Variants in SYNE1 observed in about 807,000 individuals in gnomAD.
SYNE1 encodes the protein spectrin repeat containing nuclear envelope protein 1, also known as nesprin-1.
A neutral mutation model predicts 1,111.0 loss-of-function variants in SYNE1; 616 were observed. The observed-to-expected ratio is 0.55, with a 90% confidence interval of 0.52 to 0.59. The LOEUF (loss-of-function observed/expected upper bound fraction) is 0.59, where lower values mean the gene tolerates loss of function less well. SYNE1 is among the 20% of genes least tolerant of loss of function. The pLI is 0.00. For missense variants in SYNE1, 10,006 were observed against 10,417.0 expected, an observed-to-expected ratio of 0.96 and a Z score of 1.72; for synonymous variants, 3,855 against 3,825.8, an observed-to-expected ratio of 1.01 and a Z score of -0.28.
chr6:152,263,223 A>G (rs2092282394), intron 100 of SYNE1, among the ~76,000 whole-genome samples: 1 of 151,742 alleles, frequency 6.6e-6, no homozygotes, highest in East Asian at 2.0e-4. Flanking sequence ...CATAGGAAGG[A>G]TCGTATAGAG....
intron 107 of SYNE1, 124 bp downstream of exon 107, chr6:152,242,116 A>ATT: frequency 9.9e-7 from 1 of 1,010,652 alleles, no homozygotes; most frequent in Non-Finnish European, 1.5e-6. Flanking sequence ...TTTTTAAAGA[A>ATT]TAACTTATAC....
At chr6:152,563,899 A>G (rs1482298355) in intron 3 of SYNE1, among the ~76,000 whole-genome samples, 1 of 152,220 alleles carries the variant, frequency 6.6e-6, no homozygotes, top group Non-Finnish European at 1.5e-5. Flanking sequence ...TATAATTGCC[A>G]TACTAGAAAT....
chr6:152,586,397 A>G lies in SYNE1; in HGVS notation c.67+41868T>C, dbSNP rs575732557. 1.1e-3 allele frequency among the ~76,000 whole-genome samples: 169 copies of G among 152,242 alleles called. 1 individual carries two copies. Among genetic ancestry groups the G allele is most frequent in the Middle Eastern group, 3.4e-3 (1 of 294 alleles). ...AAGACTGTGTCAGATTTTTCCTCAT[A>G]TAATTTCTCCGCATTTGATATCTTC... On this transcript the variant is annotated intron_variant, in intron 3 of 145. Transcript: ENST00000367255.
intron 3 of SYNE1, among the ~76,000 whole-genome samples, chr6:152,584,155 T>C (rs1157826743): frequency 6.6e-6 from 1 of 152,014 alleles, no homozygotes; most frequent in Non-Finnish European, 1.5e-5. Context: ...AGCACAATAA[T>C]TAAAGTTTTC....
At chr6:152,197,292 T>C (rs2074354771) in intron 127 of SYNE1, among the ~76,000 whole-genome samples, 1 of 152,218 alleles carries the variant, frequency 6.6e-6, no homozygotes, top group Admixed American at 6.5e-5. Flanking sequence ...GTTGTTACAT[T>C]TGGTGTTCCT....
At chr6:152,542,840 T>C (rs2099278220) in intron 3 of SYNE1, among the ~76,000 whole-genome samples, 1 of 152,162 alleles carries the variant, frequency 6.6e-6, no homozygotes, top group Non-Finnish European at 1.5e-5. Flanking sequence ...GTAGGTTGGA[T>C]GGAATTTGGA....
chr6:152,549,299 C>G (rs1444003476), intron 3 of SYNE1, among the ~76,000 whole-genome samples: 2 of 152,200 alleles, frequency 1.3e-5, no homozygotes, highest in South Asian at 2.1e-4. Flanking sequence ...ATATATGTGT[C>G]CTTATGAAAC....
chr6:152,276,330 C>T (rs1320123069), intron 98 of SYNE1, among the ~76,000 whole-genome samples: 1 of 152,132 alleles, frequency 6.6e-6, no homozygotes, highest in Non-Finnish European at 1.5e-5. Flanking sequence ...CCACTGTGCT[C>T]GGCTGACTTC....
At chr6:152,625,520 T>G (rs1306655052) in intron 3 of SYNE1, among the ~76,000 whole-genome samples, 1 of 152,202 alleles carries the variant, frequency 6.6e-6, no homozygotes, top group Non-Finnish European at 1.5e-5. Context: ...CCTATAGACA[T>G]GAAGTAATTG....
intron 96 of SYNE1, among the ~76,000 whole-genome samples, chr6:152,282,311 C>T (rs1232388830): frequency 6.6e-6 from 1 of 152,028 alleles, no homozygotes; most frequent in Non-Finnish European, 1.5e-5. Flanking sequence ...TGGCATAAAG[C>T]GGTTGGTAAA....
intron 66 of SYNE1, 62 bp from the exon 67 acceptor site, chr6:152,355,038 T>G: frequency 6.3e-7 from 1 of 1,588,574 alleles, no homozygotes; most frequent in Non-Finnish European, 8.6e-7. Context: ...TGGGTTAGCA[T>G]GTCTTGCCCA....
At chr6:152,515,110 T>A (rs994590172) in intron 6 of SYNE1, among the ~76,000 whole-genome samples, 4 of 151,772 alleles carry the variant, frequency 2.6e-5, no homozygotes, top group African/African-American at 9.7e-5. Flanking sequence ...TAGTCCCAGC[T>A]ACTCGGGAGG....
chr6:152,193,647 CT>C (rs1316180967), intron 127 of SYNE1, among the ~76,000 whole-genome samples: 1 of 152,092 alleles, frequency 6.6e-6, no homozygotes, highest in South Asian at 2.1e-4. Flanking sequence ...TCTTATCATA[CT>C]TGTCTATATA....
At chr6:152,235,022 C>A (rs1339871961) in intron 110 of SYNE1, among the ~76,000 whole-genome samples, 1 of 152,158 alleles carries the variant, frequency 6.6e-6, no homozygotes, top group Non-Finnish European at 1.5e-5. Context: ...TATAAAAATA[C>A]CTTTCCCCTA....
chr6:152,513,209 G>A (rs1352383041), intron 6 of SYNE1, among the ~76,000 whole-genome samples: 2 of 152,154 alleles, frequency 1.3e-5, no homozygotes, highest in African/African-American at 2.4e-5. Flanking sequence ...ACAGAGGCTT[G>A]AATGGAATGA....
At chr6:152,224,920 T>TATATATAC (rs1419565904) in intron 116 of SYNE1, among the ~76,000 whole-genome samples, 1 of 147,476 alleles carries the variant, frequency 6.8e-6, no homozygotes, top group Non-Finnish European at 1.5e-5. Flanking sequence ...TATATATGTA[T>TATATATAC]ATATATACAT....
chr6:152,193,701 A>C (rs923043935), intron 127 of SYNE1, among the ~76,000 whole-genome samples: 7 of 152,094 alleles, frequency 4.6e-5, no homozygotes, highest in Non-Finnish European at 1.0e-4. Context: ...TCATCTTTTC[A>C]TCTTTCTACT....
Position 152,358,459 on chromosome 6 carries a change from A to G in SYNE1, c.10522T>C (p.Leu3508=), listed in dbSNP as rs62426382. 0.014 allele frequency: 22,226 copies of G among 1,614,024 alleles called. 189 individuals carry two copies. The highest frequency in any genetic ancestry group is 0.016 in the Non-Finnish European group (18,348 of 1,179,978). Residue 3508 remains leucine (L), a synonymous_variant, in exon 66 of 146, where the codon TTG becomes CTG. Coordinates refer to ENST00000367255, the MANE Select transcript of SYNE1 (RefSeq NM_182961.4). ...QRDLKAFEVW[L]GQEQEKLDQY... ...TCGAGCTTTTCTTGTTCTTGCCCCA[A>G]CCAAACTTCAAATGCCTTTAGGTCT...
rs2059970831 is a variant in SYNE1, at chr6:152,148,953, AAT to A, written c.24642+522_24642+523del. On this transcript the variant is annotated intron_variant, in intron 136 of 145. Transcript: ENST00000367255. The surrounding 1 kb of genome is among the most constrained non-coding windows in gnomAD (Gnocchi z 4.1). ...GATCGTAGAAGATTCCAAATACTCT[AAT>A]AACATCTCTATAAGTAAGATGTGAT... is the stretch of plus-strand genomic sequence containing the variant. Among the ~76,000 whole-genome samples the A allele has an allele frequency of 2.6e-5, 4 of 152,158 alleles. No homozygotes were observed. The highest frequency in any genetic ancestry group is 9.7e-5 in the African/African-American group (4 of 41,424).
Sources: allele counts gnomAD v4.1 joint callset (sites outside exome capture counted in the v4.1 genomes callset), GRCh38; gene constraint gnomAD v4.1.1; non-coding constraint Gnocchi (gnomAD v3.1); transcripts MANE v1.5; gene names NCBI Gene and HGNC (gene_info 2026-07-23, HGNC 2026-07-21).